Variants in SPMAP2L observed in about 807,000 individuals in gnomAD.
SPMAP2L encodes sperm microtubule associated protein 2 like.
chr4:56,590,520 C>T, the SPMAP2L span, among the ~76,000 whole-genome samples: 2,487 of 152,288 alleles, frequency 0.016, 25 homozygotes, highest in Non-Finnish European at 0.029. Flanking sequence ...GTTGTAGTAT[C>T]GAGGAAGAAT....
At chr4:56,614,796 C>A in the SPMAP2L span, among the ~76,000 whole-genome samples, 1 of 152,144 alleles carries the variant, frequency 6.6e-6, no homozygotes, top group Non-Finnish European at 1.5e-5. Context: ...TCTGTCAAAA[C>A]CCTATCTCAC....
At chr4:56,563,919 T>C in the SPMAP2L span, among the ~76,000 whole-genome samples, 3 of 152,212 alleles carry the variant, frequency 2.0e-5, no homozygotes, top group African/African-American at 7.2e-5. Context: ...TTGGAGAGTA[T>C]ACAGACTTGG....
the SPMAP2L span, among the ~76,000 whole-genome samples, chr4:56,583,617 G>A: frequency 1.2e-4 from 19 of 152,168 alleles, no homozygotes; most frequent in Admixed American, 2.6e-4. Context: ...AAAGAAATAT[G>A]TGGGGAGCAG....
At chr4:56,536,823 G>T in the SPMAP2L span, among the ~76,000 whole-genome samples, 1 of 152,230 alleles carries the variant, frequency 6.6e-6, no homozygotes, top group African/African-American at 2.4e-5. Flanking sequence ...GAGTGCAGTG[G>T]CATGATCTTG....
the SPMAP2L span, among the ~76,000 whole-genome samples, chr4:56,558,040 C>A: frequency 6.6e-6 from 1 of 151,928 alleles, no homozygotes; most frequent in Non-Finnish European, 1.5e-5. Flanking sequence ...ACGTTCTTGG[C>A]TGACTGCAAT....
the SPMAP2L span, among the ~76,000 whole-genome samples, chr4:56,537,730 G>A: frequency 6.0e-5 from 9 of 150,054 alleles, no homozygotes; most frequent in South Asian, 2.1e-4. Flanking sequence ...TCGCTCTGTC[G>A]CCCAGGCTGG....
the SPMAP2L span, among the ~76,000 whole-genome samples, chr4:56,557,141 C>T: frequency 2.6e-5 from 4 of 151,094 alleles, no homozygotes; most frequent in East Asian, 2.0e-4. Flanking sequence ...CCCAGCTATT[C>T]GGGAGGCTGA....
At chr4:56,557,039 A>G in the SPMAP2L span, among the ~76,000 whole-genome samples, 2 of 151,788 alleles carry the variant, frequency 1.3e-5, no homozygotes, top group African/African-American at 4.8e-5. Context: ...ACTTGACGTC[A>G]GGAGTTTGAG....
the SPMAP2L span, among the ~76,000 whole-genome samples, chr4:56,537,853 C>T: frequency 0.077 from 11,675 of 151,988 alleles, 519 homozygotes; most frequent in Admixed American, 0.12. Context: ...CCACCACGCC[C>T]GGCTAATTTT....
the SPMAP2L span, among the ~76,000 whole-genome samples, chr4:56,592,780 C>G: frequency 2.2e-4 from 34 of 152,110 alleles, no homozygotes; most frequent in Non-Finnish European, 4.1e-4. Flanking sequence ...GCAGTGCCGG[C>G]GGGGACAGCG....
the SPMAP2L span, among the ~76,000 whole-genome samples, chr4:56,542,470 GGA>G: frequency 2.0e-5 from 3 of 147,436 alleles, no homozygotes; most frequent in Non-Finnish European, 4.5e-5. Context: ...TTTTTTTTTA[GGA>G]GAGTGTCTCA....
chr4:56,618,747 G>T, the SPMAP2L span, among the ~76,000 whole-genome samples: 1 of 152,166 alleles, frequency 6.6e-6, no homozygotes, highest in Non-Finnish European at 1.5e-5. Flanking sequence ...ATGTCAAAAG[G>T]CTTGCTGAGG....
At chr4:56,559,323 G>T in the SPMAP2L span, 12 of 1,084,904 alleles carry the variant, frequency 1.1e-5, no homozygotes, top group Non-Finnish European at 1.2e-5. Context: ...AAAAAAAAAA[G>T]AGTCATTTTT....
chr4:56,532,748 C>T, the SPMAP2L span, among the ~76,000 whole-genome samples: 1 of 152,210 alleles, frequency 6.6e-6, no homozygotes, highest in African/African-American at 2.4e-5. Context: ...TGCCGCCACT[C>T]CTATCATCAT....
chr4:56,589,639 G>C, the SPMAP2L span, among the ~76,000 whole-genome samples: 2 of 151,396 alleles, frequency 1.3e-5, no homozygotes, highest in Non-Finnish European at 2.9e-5. Context: ...TCTTTGTAGA[G>C]GTCTTTTGAC....
chr4:56,621,432 C>A, the SPMAP2L span, among the ~76,000 whole-genome samples: 4 of 152,142 alleles, frequency 2.6e-5, no homozygotes. Context: ...TATGGCAATG[C>A]CAGTTGTTTA....
the SPMAP2L span, among the ~76,000 whole-genome samples, chr4:56,565,910 A>C: frequency 4.6e-5 from 7 of 152,180 alleles, no homozygotes; most frequent in Non-Finnish European, 8.8e-5. Context: ...TTGTTAATAC[A>C]TATATGCCAG....
At chr4:56,537,738 T>C in the SPMAP2L span, among the ~76,000 whole-genome samples, 10 of 151,948 alleles carry the variant, frequency 6.6e-5, no homozygotes, top group Non-Finnish European at 1.5e-5. Context: ...TCGCCCAGGC[T>C]GGAGTGCAGT....
chr4:56,534,177 A>G, the SPMAP2L span, among the ~76,000 whole-genome samples: 2 of 151,962 alleles, frequency 1.3e-5, no homozygotes, highest in African/African-American at 2.4e-5. Context: ...CCCCTTCTCT[A>G]GAGAACCACT....
Sources: allele counts gnomAD v4.1 joint callset (sites outside exome capture counted in the v4.1 genomes callset), GRCh38; gene constraint gnomAD v4.1.1; transcripts MANE v1.5; gene names NCBI Gene and HGNC (gene_info 2026-07-23, HGNC 2026-07-21).